THOC7: variants seen among roughly 807,000 people sequenced by gnomAD.
THOC7 encodes the protein NIF3L1-binding protein 1.
Under a neutral mutation model 33.1 loss-of-function variants are expected in THOC7, and 22 were observed. The ratio of observed to expected loss-of-function variants is 0.66; its 90% CI spans 0.47 to 0.95. The LOEUF (loss-of-function observed/expected upper bound fraction) is 0.95, where lower values mean the gene tolerates loss of function less well. THOC7 is among the 40% of genes least tolerant of loss of function. The pLI, the probability that THOC7 is intolerant of heterozygous loss-of-function variation, is 0.00. For missense variants in THOC7, 184 were observed against 245.3 expected, an observed-to-expected ratio of 0.75 and a Z score of 1.67; for synonymous variants, 77 against 76.8, an observed-to-expected ratio of 1.00 and a Z score of -0.01.
At chr3:63,848,118 G>T (rs904897964) in intron 1 of THOC7, among the ~76,000 whole-genome samples, 1 of 152,124 alleles carries the variant, frequency 6.6e-6, no homozygotes, top group Non-Finnish European at 1.5e-5. Context: ...ATATTTCTTT[G>T]ATGTATTTAA....
At chr3:63,860,257 A>T (rs984697319) in intron 1 of THOC7, among the ~76,000 whole-genome samples, 4 of 150,828 alleles carry the variant, frequency 2.7e-5, no homozygotes, top group Non-Finnish European at 5.9e-5. Flanking sequence ...GTTGCTTAGG[A>T]TGGTCGCAAA....
At chr3:63,863,410 G>T in intron 1 of THOC7, 2 of 1,065,984 alleles carry the variant, frequency 1.9e-6, no homozygotes, top group Non-Finnish European at 2.3e-6. Flanking sequence ...AGACAAACCC[G>T]GACTCCCTCT....
Position 63,835,210 on chromosome 3 carries a change from C to T in THOC7, c.491G>A (p.Arg164Gln), listed in dbSNP as rs1454490174. 2.5e-6 allele frequency: 4 copies of T among 1,613,332 alleles called. No individual in the cohort carries two copies. The highest frequency in any genetic ancestry group is 3.4e-6 in the Non-Finnish European group (4 of 1,179,702). ...ESVEDKLELR[R>Q]KQFHVLLSTI... ...ACTAAGAAGAACATGAAACTGTTTC[C>T]GTCTCAATTCCAGCTGTGTTAACAA... Residue 164 changes from arginine (R) to glutamine (Q), a missense_variant, in exon 7 of 8, where the codon CGG (arginine) becomes CAG (glutamine). Around this residue, in one of 3 missense-constraint regions of THOC7, gnomAD observed 157 missense variants for 201.3 expected, o/e 0.78. Transcript: ENST00000295899.
In THOC7 at chr3:63,835,144, T is replaced by C. The variant is rs760273046; in HGVS notation, c.547+10A>G. 5 of 1,612,818 alleles carry C rather than the reference T, an allele frequency of 3.1e-6. No individual in the cohort carries two copies. Among genetic ancestry groups the C allele is most frequent in the East Asian group, 2.2e-5 (1 of 44,760 alleles). ...TCATAAGCATTTACTTTGAGACTAT[T>C]TCTACTTACTTTCCAATGTTTGCTG... On this transcript the variant is annotated intron_variant, in intron 7 of 7. Coordinates refer to ENST00000295899, the MANE Select transcript of THOC7 (RefSeq NM_025075.4).
At chr3:63,863,495 C>G in intron 1 of THOC7, 1 of 1,179,374 alleles carries the variant, frequency 8.5e-7, no homozygotes, top group Non-Finnish European at 1.0e-6. Flanking sequence ...GACCACGCTC[C>G]CGGCACACCC....
intron 1 of THOC7, among the ~76,000 whole-genome samples, chr3:63,856,788 G>A (rs1166151603): frequency 6.6e-6 from 1 of 151,948 alleles, no homozygotes; most frequent in Non-Finnish European, 1.5e-5. Context: ...CGCTATCTCG[G>A]CTCACTGCAA....
chr3:63,843,638 C>A (rs960795804), intron 1 of THOC7, among the ~76,000 whole-genome samples: 2 of 152,072 alleles, frequency 1.3e-5, no homozygotes, highest in African/African-American at 2.4e-5. Flanking sequence ...TGGTGGCTCA[C>A]GCCTGTAATC....
intron 1 of THOC7, among the ~76,000 whole-genome samples, chr3:63,853,765 G>A (rs956413043): frequency 7.9e-5 from 12 of 152,218 alleles, no homozygotes; most frequent in Non-Finnish European, 1.2e-4. Context: ...AAAATTAGCC[G>A]GGCATAGTGG....
Position 63,839,694 on chromosome 3 carries a change from ACT to A in THOC7, c.97_98del (p.Ser33PhefsTer3). The A allele has an allele frequency of 1.9e-6, 3 of 1,612,400 alleles. No homozygotes were observed. The highest frequency in any genetic ancestry group is 2.5e-6 in the Non-Finnish European group (3 of 1,179,926). On this transcript the variant is annotated frameshift_variant, in exon 2 of 8. Transcript: ENST00000295899. LOFTEE classifies it high-confidence loss of function. Reference protein sequence around the residue: ...DDRRINLLVKSFIKWCNSGSQ... With the variant: ...DDRRINLLVKXFIKWCNSGSQ... ...ACCCAGAGTTGCACCATTTAATGAA[ACT>A]CTTCACTAGCAGATTAATTCTCCGA...
At chr3:63,835,079 A>T in intron 7 of THOC7, 75 bp downstream of exon 7, 1 of 1,424,010 alleles carries the variant, frequency 7.0e-7, no homozygotes, top group Non-Finnish European at 9.7e-7. Context: ...TCCAAGATGT[A>T]TATTTCAAAA....
intron 4 of THOC7, among the ~76,000 whole-genome samples, chr3:63,837,408 T>C (rs1701658135): frequency 6.6e-6 from 1 of 152,026 alleles, no homozygotes; most frequent in South Asian, 2.1e-4. Flanking sequence ...AAAATTATCT[T>C]GAAATAGTAT....
At chr3:63,849,027 C>A (rs568923485) in intron 1 of THOC7, among the ~76,000 whole-genome samples, 1 of 152,246 alleles carries the variant, frequency 6.6e-6, no homozygotes, top group Non-Finnish European at 1.5e-5. Context: ...TAACAGGATA[C>A]AATTGGAAAC....
intron 4 of THOC7, among the ~76,000 whole-genome samples, chr3:63,837,338 A>AT (rs35256080): frequency 0.52 from 79,383 of 151,696 alleles, 23,114 homozygotes; most frequent in South Asian, 0.69. Context: ...TACACATTAT[A>AT]TTTTTTATTT....
intron 1 of THOC7, chr3:63,863,547 C>T: frequency 8.4e-7 from 1 of 1,195,014 alleles, no homozygotes. Context: ...CGGGGAAAGC[C>T]GAGGGTCTCC....
chr3:63,859,107 G>A (rs1465180069), intron 1 of THOC7, among the ~76,000 whole-genome samples: 1 of 152,186 alleles, frequency 6.6e-6, no homozygotes, highest in Non-Finnish European at 1.5e-5. Context: ...GAGATATCAA[G>A]AGCATCCACT....
intron 4 of THOC7, 63 bp from the exon 5 acceptor site, chr3:63,836,421 A>G: frequency 6.7e-7 from 1 of 1,486,048 alleles, no homozygotes. Flanking sequence ...TCAAAACAAA[A>G]TGTGTAATAT....
chr3:63,839,371 A>G (rs1701706016), intron 2 of THOC7, among the ~76,000 whole-genome samples: 1 of 152,188 alleles, frequency 6.6e-6, no homozygotes, highest in South Asian at 2.1e-4. Context: ...TTCCATTTAG[A>G]TATTTTATCT....
intron 1 of THOC7, among the ~76,000 whole-genome samples, chr3:63,853,687 T>C (rs977450858): frequency 1.3e-5 from 2 of 152,150 alleles, no homozygotes; most frequent in Non-Finnish European, 1.5e-5. Context: ...GGCGGGAGGA[T>C]CACGAGGTCA....
At chr3:63,846,505 T>C (rs1341915657) in intron 1 of THOC7, among the ~76,000 whole-genome samples, 1 of 152,118 alleles carries the variant, frequency 6.6e-6, no homozygotes, top group East Asian at 1.9e-4. Flanking sequence ...TCTCCTGGGT[T>C]CAAGCTATTC....
Sources: gnomAD v4.1 joint callset for allele counts (sites outside exome capture counted in the v4.1 genomes callset) on GRCh38, gnomAD v4.1.1 for gene constraint, gnomAD v4.1.1 regional missense constraint, MANE v1.5 for transcripts, NCBI Gene and HGNC (gene_info 2026-07-23, HGNC 2026-07-21) for gene names.